The following RSRC1 variants were observed in gnomAD, a reference collection of about 807,000 sequenced individuals.
RSRC1 encodes serine/Arginine-related protein 53.
RSRC1 carries 39 observed loss-of-function variants against 49.1 expected under a neutral mutation model. The ratio of observed to expected loss-of-function variants is 0.79; its 90% CI spans 0.61 to 1.04. The LOEUF (loss-of-function observed/expected upper bound fraction) is 1.04. Ranked by LOEUF, RSRC1 falls within the 50% of genes least tolerant of loss-of-function variation. The probability of loss-of-function intolerance (pLI) is 0.00; values close to 1 mark genes in which losing one functional copy is unlikely to be tolerated. For synonymous variants in RSRC1, 143 were observed against 130.8 expected, an observed-to-expected ratio of 1.09 and a Z score of -0.63; for missense variants, 388 against 402.4, an observed-to-expected ratio of 0.96 and a Z score of 0.31.
At chr3:158,241,407 C>G in intron 4 of RSRC1, among the ~76,000 whole-genome samples, 1 of 151,986 alleles carries the variant, frequency 6.6e-6, no homozygotes, top group African/African-American at 2.4e-5. Flanking sequence ...TGAGATTATG[C>G]TACTGCACTC....
chr3:158,127,520 C>CT (rs941920850), intron 3 of RSRC1, among the ~76,000 whole-genome samples: 21 of 149,930 alleles, frequency 1.4e-4, no homozygotes, highest in African/African-American at 2.5e-4. Flanking sequence ...AGCATTTTTG[C>CT]TTTTTTTTTA....
In RSRC1 at chr3:158,428,912, G is replaced by A. The variant is rs140213782; in HGVS notation, c.584-32023G>A. Among the ~76,000 whole-genome samples the A allele has an allele frequency of 1.8e-4, 28 of 151,948 alleles. No individual in the cohort carries two copies. In the East Asian group the frequency reaches 2.9e-3, roughly 16 times the overall value. On this transcript the variant is annotated intron_variant, in intron 6 of 9. Transcript: ENST00000611884. ...AGACCTGAGGTATTTCTCTAGCAGT[G>A]TGCCAAACATCTAGCCACTAGCTTT...
intron 6 of RSRC1, among the ~76,000 whole-genome samples, chr3:158,384,148 C>A (rs1351685107): frequency 1.3e-5 from 2 of 151,902 alleles, no homozygotes; most frequent in East Asian, 1.9e-4. Flanking sequence ...GACTCAAGGT[C>A]AGAAGTAAGA....
In RSRC1 at chr3:158,162,697, A is replaced by G. The variant is rs543341736; in HGVS notation, c.320+38706A>G. ...GGAAATTTGTTTTGACCAAAAAGAG[A>G]ACATATTCTGAGGGGCTGATATCAG... On this transcript the variant is annotated intron_variant, in intron 3 of 9. Transcript: ENST00000611884. Among the ~76,000 whole-genome samples the G allele has an allele frequency of 8.5e-5, 13 of 152,290 alleles. No individual in the cohort carries two copies. In the East Asian group the frequency reaches 1.7e-3, roughly 20 times the overall value.
chr3:158,268,171 G>T lies in RSRC1; in HGVS notation c.495-29868G>T, dbSNP rs556580903. Among the ~76,000 whole-genome samples the T allele has an allele frequency of 9.9e-5, 15 of 152,200 alleles. No individual in the cohort carries two copies. The South Asian group carries it at 1.5e-3, about 15-fold the overall frequency. Reference sequence around the variant, plus strand: ...GTGGTTGATTGCTTCATTTTCAGCTGCTCTGCCAGCTTTACAATGTGTCCT... The same window carrying T: ...GTGGTTGATTGCTTCATTTTCAGCTTCTCTGCCAGCTTTACAATGTGTCCT... On this transcript the variant is annotated intron_variant, in intron 4 of 9. Transcript: ENST00000611884.
intron 7 of RSRC1, among the ~76,000 whole-genome samples, chr3:158,525,833 ACTAAT>A (rs1711987451): frequency 1.3e-5 from 2 of 151,994 alleles, no homozygotes; most frequent in South Asian, 2.1e-4. Context: ...GAAAATGCAG[ACTAAT>A]CTAAAGTGGC....
At chr3:158,437,059 T>C (rs1006907797) in intron 6 of RSRC1, among the ~76,000 whole-genome samples, 20 of 151,656 alleles carry the variant, frequency 1.3e-4, no homozygotes, top group African/African-American at 4.8e-4. Flanking sequence ...GATAATTCTA[T>C]AGAAGAGGCC....
chr3:158,198,424 A>G (rs971025527), intron 3 of RSRC1, among the ~76,000 whole-genome samples: 3 of 152,084 alleles, frequency 2.0e-5, no homozygotes, highest in Non-Finnish European at 4.4e-5. Flanking sequence ...CAGCACCCTG[A>G]TGGGTCTGGA....
At chr3:158,139,957 TC>T (rs1317053527) in intron 3 of RSRC1, among the ~76,000 whole-genome samples, 1 of 152,198 alleles carries the variant, frequency 6.6e-6, no homozygotes, top group Non-Finnish European at 1.5e-5. Flanking sequence ...GTATTTTTTT[TC>T]TTTTTAAAAT....
chr3:158,186,296 A>G (rs577999017), intron 3 of RSRC1, among the ~76,000 whole-genome samples: 1 of 151,988 alleles, frequency 6.6e-6, no homozygotes, highest in Non-Finnish European at 1.5e-5. Context: ...CAGAATACAT[A>G]TGGCCCTTGT....
In RSRC1 at chr3:158,340,984, TG is replaced by T. The variant is rs920761439; in HGVS notation, c.532-13871del. On this transcript the variant is annotated intron_variant, in intron 5 of 9. Transcript: ENST00000611884. ...TCTTGTTATGTTTTAGCAGAGAGACTGGTGGCATTTTGCCCCCACCCTAGAG... is the reference window on the plus strand; with the variant it reads ...TCTTGTTATGTTTTAGCAGAGAGACTGTGGCATTTTGCCCCCACCCTAGAG... 2.6e-5 allele frequency among the ~76,000 whole-genome samples: 4 copies of T among 152,328 alleles called. No individual in the cohort carries two copies. In the South Asian group the frequency reaches 8.3e-4, roughly 32 times the overall value.
intron 3 of RSRC1, among the ~76,000 whole-genome samples, chr3:158,185,290 A>G (rs1193185619): frequency 6.6e-6 from 1 of 151,998 alleles, no homozygotes; most frequent in Non-Finnish European, 1.5e-5. Flanking sequence ...CTTTTAAGAT[A>G]CTGGTTTACT....
intron 6 of RSRC1, among the ~76,000 whole-genome samples, chr3:158,415,723 T>C (rs923836612): frequency 9.2e-5 from 14 of 152,080 alleles, no homozygotes; most frequent in African/African-American, 3.4e-4. Flanking sequence ...CAGACAGATA[T>C]AATAATTTTA....
chr3:158,420,199 G>A (rs1734966024), intron 6 of RSRC1, among the ~76,000 whole-genome samples: 1 of 151,978 alleles, frequency 6.6e-6, no homozygotes, highest in Non-Finnish European at 1.5e-5. Flanking sequence ...CATTTACCAA[G>A]CATTGTACTG....
At chr3:158,504,894 A>T (rs998379603) in intron 7 of RSRC1, among the ~76,000 whole-genome samples, 4 of 152,182 alleles carry the variant, frequency 2.6e-5, no homozygotes, top group Non-Finnish European at 5.9e-5. Flanking sequence ...AGTGTATTAG[A>T]TTCATTTGTT....
chr3:158,378,752 C>T (rs1269545440), intron 6 of RSRC1, among the ~76,000 whole-genome samples: 1 of 152,098 alleles, frequency 6.6e-6, no homozygotes, highest in Non-Finnish European at 1.5e-5. Context: ...GGGCTGTTCC[C>T]TCTGGTTCTC....
intron 3 of RSRC1, among the ~76,000 whole-genome samples, chr3:158,188,278 A>G (rs1720040731): frequency 6.6e-6 from 1 of 151,814 alleles, no homozygotes; most frequent in Non-Finnish European, 1.5e-5. Context: ...ATAGATTAGA[A>G]CCTCTATTTT....
chr3:158,481,114 C>A (rs1010245834), intron 7 of RSRC1, among the ~76,000 whole-genome samples: 4 of 152,034 alleles, frequency 2.6e-5, no homozygotes, highest in Admixed American at 1.3e-4. Flanking sequence ...GATTTGTGGG[C>A]CGCTAGGAAG....
At chr3:158,357,602 G>A (rs542752126) in intron 6 of RSRC1, among the ~76,000 whole-genome samples, 2 of 152,220 alleles carry the variant, frequency 1.3e-5, no homozygotes, top group South Asian at 4.1e-4. Context: ...CAAGATTCTA[G>A]TTGTCTTTTT....
Sources: allele counts gnomAD v4.1 joint callset (sites outside exome capture counted in the v4.1 genomes callset), GRCh38; gene constraint gnomAD v4.1.1; transcripts MANE v1.5; gene names NCBI Gene and HGNC (gene_info 2026-07-23, HGNC 2026-07-21).